AGAP1: variants seen among roughly 807,000 people sequenced by gnomAD.
AGAP1 encodes arf-GAP with GTPase, ANK repeat and PH domain-containing protein 1.
Under a neutral mutation model 105.3 loss-of-function variants are expected in AGAP1, and 29 were observed. The observed-to-expected ratio is 0.28, with a 90% CI of 0.21 to 0.38. The LOEUF (loss-of-function observed/expected upper bound fraction) is 0.38, where lower values mean the gene tolerates loss of function less well. Ranked by LOEUF, AGAP1 falls within the 10% of genes least tolerant of loss-of-function variation. AGAP1 has a pLI of 1.00. For synonymous variants in AGAP1, 509 were observed against 485.9 expected (o/e 1.05, Z -0.63); for missense variants, 998 against 1,165.1 (o/e 0.86, Z 2.09).
intron 1 of AGAP1, among the ~76,000 whole-genome samples, chr2:235,636,115 G>GTAAATAAA (rs10587179): frequency 0.11 from 15,541 of 143,854 alleles, 997 homozygotes; most frequent in African/African-American, 0.17. Context: ...CTCTGTCTCA[G>GTAAATAAA]TAAATAAATA....
At position 236,061,755 on chromosome 2, in the gene AGAP1, A is replaced by G. The variant is rs960502515; in HGVS notation, c.2114+12474A>G. 6.6e-6 allele frequency among the ~76,000 whole-genome samples: 1 copy of G among 152,042 alleles called. No individual in the cohort carries two copies. Among genetic ancestry groups the G allele is most frequent in the Non-Finnish European group, 1.5e-5 (1 of 68,026 alleles). ...CTAATGAGTACGAAACTTCTTTTGG[A>G]GACAACGAAAATGATCTGGATTTAC... On this transcript the variant is annotated intron_variant, in intron 16 of 17. Coordinates refer to ENST00000304032, the MANE Select transcript of AGAP1 (RefSeq NM_001037131.3). This position sits in a 1 kb window ranked among gnomAD's most constrained non-coding sequence, Gnocchi z 4.1.
Position 235,621,314 on chromosome 2 carries a change from G to A in AGAP1, c.164-87865G>A, listed in dbSNP as rs1056592543. On this transcript the variant is annotated intron_variant, in intron 1 of 17. Transcript: ENST00000304032. The surrounding 1 kb of genome is among the most constrained non-coding windows in gnomAD (Gnocchi z 4.1). ...TAGGATTACAGGTGTGAGCCACCAC[G>A]CCCAGCCGATCTATTTAATTTCATT... is the stretch of plus-strand genomic sequence containing the variant. 6.6e-6 allele frequency among the ~76,000 whole-genome samples: 1 copy of A among 152,066 alleles called. No homozygotes were observed. Among genetic ancestry groups the A allele is most frequent in the Admixed American group, 6.5e-5 (1 of 15,270 alleles).
At chr2:235,923,754 G>T (rs2052307315) in intron 11 of AGAP1, among the ~76,000 whole-genome samples, 1 of 152,192 alleles carries the variant, frequency 6.6e-6, no homozygotes, top group African/African-American at 2.4e-5. Flanking sequence ...GTCATTCCCA[G>T]CGTGGGGCTG....
At position 235,845,792 on chromosome 2, in the gene AGAP1, T is replaced by C. The variant is rs1961412294; in HGVS notation, c.1051-37553T>C. 6.6e-6 allele frequency among the ~76,000 whole-genome samples: 1 copy of C among 152,074 alleles called. No individual in the cohort carries two copies. Among genetic ancestry groups the C allele is most frequent in the African/African-American group, 2.4e-5 (1 of 41,404 alleles). On this transcript the variant is annotated intron_variant, in intron 9 of 17. Transcript: ENST00000304032. The surrounding 1 kb of genome is among the most constrained non-coding windows in gnomAD (Gnocchi z 4.8). ...TCCTTCTTCCCTTTCTTCCTGAGCATCTGTCCCGTCGTGCCCTCCGAAGGA... is the reference window on the plus strand; with the variant it reads ...TCCTTCTTCCCTTTCTTCCTGAGCACCTGTCCCGTCGTGCCCTCCGAAGGA...
chr2:236,120,148 C>G lies in AGAP1; in HGVS notation c.2115-44C>G, dbSNP rs1240690026. ...TGGGCAGGGGCTGGCAGCCTGTGTT[C>G]TCGGGCCTGATCGTGACTGCACCTG... On this transcript the variant is annotated intron_variant, in intron 16 of 17. Transcript: ENST00000304032. This position sits in a 1 kb window ranked among gnomAD's most constrained non-coding sequence, Gnocchi z 6.0. The G allele has an allele frequency of 6.3e-7, 1 of 1,575,998 alleles. No individual in the cohort carries two copies. Among genetic ancestry groups the G allele is most frequent in the Non-Finnish European group, 8.6e-7 (1 of 1,159,044 alleles).
At chr2:235,702,274 C>T (rs1950293655) in intron 1 of AGAP1, among the ~76,000 whole-genome samples, 1 of 152,266 alleles carries the variant, frequency 6.6e-6, no homozygotes, top group Non-Finnish European at 1.5e-5. Context: ...AATGAGCCCA[C>T]CTGCCAGACG....
chr2:235,598,294 C>T (rs1010700895), intron 1 of AGAP1, among the ~76,000 whole-genome samples: 2 of 152,186 alleles, frequency 1.3e-5, no homozygotes, highest in Non-Finnish European at 2.9e-5. Context: ...AGGCTCCCAC[C>T]ACCCTGAACT....
rs750369759 is a variant in AGAP1, at chr2:235,521,742, A to ATGTATGTGTG, written c.163+26896_163+26897insATGTGTGTGT. 5.4e-3 allele frequency among the ~76,000 whole-genome samples: 661 copies of ATGTATGTGTG among 121,594 alleles called. 4 individuals carry two copies. Among genetic ancestry groups the ATGTATGTGTG allele is most frequent in the African/African-American group, 0.013 (420 of 31,448 alleles). 79.8% of individuals were successfully genotyped at this position (121,594 alleles called of 152,430 possible). A position where few individuals can be genotyped will look rare whatever the true frequency, so the allele number is the denominator to read the frequency against. On this transcript the variant is annotated intron_variant, in intron 1 of 17. Transcript: ENST00000304032. Reference sequence around the variant, plus strand: ...TTTCTTGTTTTTGTTTGTTATATATATGTGTGTGTGTGTGTGTGTGTGTGT... The same window carrying ATGTATGTGTG: ...TTTCTTGTTTTTGTTTGTTATATATATGTATGTGTGTGTGTGTGTGTGTGTGTGTGTGTGT...
At chr2:236,093,693 A>G (rs2125879157) in intron 16 of AGAP1, among the ~76,000 whole-genome samples, 1 of 152,278 alleles carries the variant, frequency 6.6e-6, no homozygotes, top group East Asian at 1.9e-4. Flanking sequence ...TGAAAACTGA[A>G]TATGGACCAC....
chr2:235,706,600 C>T (rs921873814), intron 1 of AGAP1, among the ~76,000 whole-genome samples: 2 of 152,180 alleles, frequency 1.3e-5, no homozygotes, highest in Admixed American at 6.5e-5. Flanking sequence ...ATCTCTGTAT[C>T]GCACCTGGCT....
intron 1 of AGAP1, among the ~76,000 whole-genome samples, chr2:235,515,126 C>T (rs567183047): frequency 6.6e-6 from 1 of 152,306 alleles, no homozygotes; most frequent in South Asian, 2.1e-4. Flanking sequence ...GTTTACCCTT[C>T]AAGCTGGGCA....
In AGAP1 at chr2:236,083,368, A is replaced by G. The variant is rs1368306476; in HGVS notation, c.2114+34087A>G. 6.6e-6 allele frequency among the ~76,000 whole-genome samples: 1 copy of G among 152,078 alleles called. No homozygotes were observed. The highest frequency in any genetic ancestry group is 2.1e-4 in the South Asian group (1 of 4,816). On this transcript the variant is annotated intron_variant, in intron 16 of 17. Transcript: ENST00000304032. The surrounding 1 kb of genome is among the most constrained non-coding windows in gnomAD (Gnocchi z 5.3). The stretch of plus-strand genomic sequence containing the variant: ...CTTTACGTTGACATTGTGGCTTTGG[A>G]GGCTGATATTTTCTCTAAAGGAAAG...
At chr2:235,678,910 CCT>C (rs2149389923) in intron 1 of AGAP1, among the ~76,000 whole-genome samples, 1 of 152,240 alleles carries the variant, frequency 6.6e-6, no homozygotes, top group South Asian at 2.1e-4. Context: ...CCATGTAGCC[CCT>C]CTCGATACCG....
rs1943765737 is a variant in AGAP1, at chr2:235,550,392, T to A, written c.163+55543T>A. On this transcript the variant is annotated intron_variant, in intron 1 of 17. Transcript: ENST00000304032. The surrounding 1 kb of genome is among the most constrained non-coding windows in gnomAD (Gnocchi z 4.6). ...CACTGCCAGTGACTTCTCATAGCTGTTCGTCATTGGGAGTCACTGAGCATG... is the reference window on the plus strand; with the variant it reads ...CACTGCCAGTGACTTCTCATAGCTGATCGTCATTGGGAGTCACTGAGCATG... Among the ~76,000 whole-genome samples the A allele has an allele frequency of 6.6e-6, 1 of 152,210 alleles. No individual in the cohort carries two copies.
At chr2:235,706,021 G>A (rs989719450) in intron 1 of AGAP1, among the ~76,000 whole-genome samples, 3 of 152,136 alleles carry the variant, frequency 2.0e-5, no homozygotes, top group East Asian at 1.9e-4. Context: ...AAAACTTCAC[G>A]ATTTAATTTC....
chr2:235,520,127 C>T (rs1380425118), intron 1 of AGAP1, among the ~76,000 whole-genome samples: 3 of 152,164 alleles, frequency 2.0e-5, no homozygotes, highest in East Asian at 1.9e-4. Flanking sequence ...CCATTTCATC[C>T]GTAAATACTT....
At position 235,812,546 on chromosome 2, in the gene AGAP1, C is replaced by T. The variant is rs555288615; in HGVS notation, c.1050+5215C>T. ...GGGCAGAATGAAAGCAGCCTAATGACGCCAGCGTTAACAGCTCCTGAAACT... is the reference window on the plus strand; with the variant it reads ...GGGCAGAATGAAAGCAGCCTAATGATGCCAGCGTTAACAGCTCCTGAAACT... On this transcript the variant is annotated intron_variant, in intron 9 of 17. Transcript: ENST00000304032. Among the ~76,000 whole-genome samples, 13 of 152,362 alleles carry T rather than the reference C, an allele frequency of 8.5e-5. No individual in the cohort carries two copies. In the East Asian group the frequency reaches 1.2e-3, roughly 14 times the overall value.
At position 236,040,495 on chromosome 2, in the gene AGAP1, T is replaced by G; in HGVS notation, c.1801-256T>G. Reference sequence around the variant, plus strand: ...CACAGATGATCCAGAACTCTCCTCTTTGCTCATTTCTGGCAGAGTCCGTCT... The same window carrying G: ...CACAGATGATCCAGAACTCTCCTCTGTGCTCATTTCTGGCAGAGTCCGTCT... On this transcript the variant is annotated intron_variant, in intron 14 of 17. Coordinates refer to ENST00000304032, the MANE Select transcript of AGAP1 (RefSeq NM_001037131.3). The surrounding 1 kb of genome is among the most constrained non-coding windows in gnomAD (Gnocchi z 5.6). 1 of 524,152 alleles carries G rather than the reference T, an allele frequency of 1.9e-6. No individual in the cohort carries two copies. The highest frequency in any genetic ancestry group is 3.4e-6 in the Non-Finnish European group (1 of 291,304). The allele number at this position is 524,152 out of a possible 1,614,324, so 32.5% of individuals were successfully genotyped here. A position where few individuals can be genotyped will look rare whatever the true frequency, so the allele number is the denominator to read the frequency against.
At chr2:235,619,375 G>A (rs1946405236) in intron 1 of AGAP1, among the ~76,000 whole-genome samples, 2 of 151,624 alleles carry the variant, frequency 1.3e-5, no homozygotes, top group South Asian at 4.2e-4. Flanking sequence ...TTCAATCCTG[G>A]GGCTGAAGTG....
Sources: allele counts gnomAD v4.1 joint callset (sites outside exome capture counted in the v4.1 genomes callset), GRCh38; gene constraint gnomAD v4.1.1; non-coding constraint Gnocchi (gnomAD v3.1); transcripts MANE v1.5; gene names NCBI Gene and HGNC (gene_info 2026-07-23, HGNC 2026-07-21).